Variants in SGCZ observed in about 807,000 individuals in gnomAD.
SGCZ encodes the protein sarcoglycan zeta, also known as zeta-sarcoglycan.
In SGCZ, 40 loss-of-function variants were observed where a neutral mutation model predicts 41.3. That is an observed-to-expected ratio of 0.97 (90% CI 0.75 to 1.26). SGCZ has a LOEUF of 1.26. Ranked by LOEUF, SGCZ falls within the 50% of genes most tolerant of loss-of-function variation. The pLI is 0.00. For synonymous variants in SGCZ, 206 were observed against 137.5 expected (o/e 1.50, Z -3.49); for missense variants, 552 against 369.8 (o/e 1.49, Z -4.04).
intron 5 of SGCZ, among the ~76,000 whole-genome samples, chr8:14,148,851 G>T (rs577604258): frequency 6.6e-6 from 1 of 152,140 alleles, no homozygotes; most frequent in African/African-American, 2.4e-5. Context: ...GACCAAGTGG[G>T]TTTACCTCTG....
chr8:15,082,416 A>G (rs892596352), intron 1 of SGCZ, among the ~76,000 whole-genome samples: 1 of 137,072 alleles, frequency 7.3e-6, no homozygotes, highest in African/African-American at 2.6e-5. Flanking sequence ...ACACACACAC[A>G]TATATATGTG....
At chr8:15,056,186 G>T (rs903443180) in intron 1 of SGCZ, among the ~76,000 whole-genome samples, 2 of 152,092 alleles carry the variant, frequency 1.3e-5, no homozygotes, top group African/African-American at 4.8e-5. Flanking sequence ...AACACTAATC[G>T]CAAGGACTCT....
intron 1 of SGCZ, among the ~76,000 whole-genome samples, chr8:14,638,709 C>A (rs1470537690): frequency 3.3e-5 from 5 of 151,816 alleles, no homozygotes; most frequent in African/African-American, 4.8e-5. Context: ...GATATCTCAG[C>A]TCCTCCACCC....
intron 1 of SGCZ, among the ~76,000 whole-genome samples, chr8:14,597,771 C>T (rs1167231613): frequency 6.6e-6 from 1 of 152,160 alleles, no homozygotes; most frequent in African/African-American, 2.4e-5. Context: ...GCCACTGCAC[C>T]TGGCCTCACT....
chr8:14,365,260 T>A (rs933443662), intron 2 of SGCZ, among the ~76,000 whole-genome samples: 1 of 152,128 alleles, frequency 6.6e-6, no homozygotes, highest in Non-Finnish European at 1.5e-5. Flanking sequence ...AACATACATT[T>A]TCTTAGTTCC....
chr8:14,584,158 A>T (rs1804984562), intron 1 of SGCZ, among the ~76,000 whole-genome samples: 1 of 152,150 alleles, frequency 6.6e-6, no homozygotes, highest in African/African-American at 2.4e-5. Context: ...TAAATAGCAA[A>T]AGGGGGAATA....
intron 1 of SGCZ, among the ~76,000 whole-genome samples, chr8:15,120,184 G>T (rs1008090032): frequency 6.6e-6 from 1 of 152,138 alleles, no homozygotes; most frequent in Non-Finnish European, 1.5e-5. Flanking sequence ...CACTGATCCT[G>T]CCAATGAACG....
intron 1 of SGCZ, among the ~76,000 whole-genome samples, chr8:14,591,405 G>C (rs557944116): frequency 1.3e-5 from 2 of 152,034 alleles, no homozygotes; most frequent in Non-Finnish European, 2.9e-5. Flanking sequence ...CATTTCTAGA[G>C]CTCGTGCATT....
chr8:14,583,446 T>G (rs1804959886), intron 1 of SGCZ, among the ~76,000 whole-genome samples: 1 of 152,076 alleles, frequency 6.6e-6, no homozygotes. Context: ...TTTCTCCCAT[T>G]TTGTAGGTTG....
intron 1 of SGCZ, among the ~76,000 whole-genome samples, chr8:14,587,159 C>T (rs1419804300): frequency 6.6e-6 from 1 of 151,632 alleles, no homozygotes; most frequent in Non-Finnish European, 1.5e-5. Flanking sequence ...ATGTATGTGT[C>T]ATATAAAATT....
intron 1 of SGCZ, among the ~76,000 whole-genome samples, chr8:14,817,779 C>G (rs1801952426): frequency 6.6e-6 from 1 of 152,150 alleles, no homozygotes; most frequent in African/African-American, 2.4e-5. Context: ...TTGTGCACAG[C>G]CCATGTACAA....
intron 5 of SGCZ, among the ~76,000 whole-genome samples, chr8:14,128,557 C>A (rs906226231): frequency 1.3e-5 from 2 of 152,082 alleles, no homozygotes; most frequent in Non-Finnish European, 2.9e-5. Flanking sequence ...TTGGTATCTA[C>A]CTAAGGGAAA....
chr8:14,511,522 G>A (rs1383028812), intron 2 of SGCZ, among the ~76,000 whole-genome samples: 3 of 151,952 alleles, frequency 2.0e-5, no homozygotes, highest in Admixed American at 6.6e-5. Context: ...GTTGGCCAGT[G>A]AGAGAAGATT....
At chr8:15,009,488 G>T (rs564839822) in intron 1 of SGCZ, among the ~76,000 whole-genome samples, 34 of 152,230 alleles carry the variant, frequency 2.2e-4, no homozygotes, top group African/African-American at 7.9e-4. Context: ...TCAATAAGAA[G>T]GTTTAGACAG....
chr8:15,008,246 C>T (rs1045717043), intron 1 of SGCZ, among the ~76,000 whole-genome samples: 2 of 152,008 alleles, frequency 1.3e-5, no homozygotes, highest in African/African-American at 4.8e-5. Context: ...CTGGAAATCC[C>T]TCATTAATTC....
At chr8:14,283,631 C>T (rs1478909946) in intron 3 of SGCZ, among the ~76,000 whole-genome samples, 4 of 152,142 alleles carry the variant, frequency 2.6e-5, no homozygotes, top group African/African-American at 9.7e-5. Flanking sequence ...CTTACATAAC[C>T]ATGTTATAAT....
chr8:14,815,500 C>T (rs894935334), intron 1 of SGCZ, among the ~76,000 whole-genome samples: 5 of 151,768 alleles, frequency 3.3e-5, no homozygotes, highest in Non-Finnish European at 5.9e-5. Flanking sequence ...ATATTTCTTC[C>T]GGCAGTATAT....
rs549349173 is a variant in SGCZ, at chr8:14,595,153, C to T, written c.40-40227G>A. On this transcript the variant is annotated intron_variant, in intron 1 of 7. Coordinates refer to ENST00000382080, the MANE Select transcript of SGCZ (RefSeq NM_139167.4). ...AAATGAAACTGGAATTAGTTCTACC[C>T]TTTCAAGTGTCCCCCTAGACTATTT... 6.0e-4 allele frequency among the ~76,000 whole-genome samples: 92 copies of T among 152,264 alleles called. 1 individual carries two copies. In the South Asian group the frequency reaches 0.017, roughly 28 times the overall value.
At chr8:15,022,375 T>C (rs1488330116) in intron 1 of SGCZ, among the ~76,000 whole-genome samples, 1 of 152,126 alleles carries the variant, frequency 6.6e-6, no homozygotes, top group East Asian at 1.9e-4. Context: ...GACAGAGTCT[T>C]GCTCTGTCAC....
Sources: allele counts gnomAD v4.1 joint callset (sites outside exome capture counted in the v4.1 genomes callset), GRCh38; gene constraint gnomAD v4.1.1; transcripts MANE v1.5; gene names NCBI Gene and HGNC (gene_info 2026-07-23, HGNC 2026-07-21).